Variants in CD48 observed in about 807,000 individuals in gnomAD.
The protein encoded by CD48 is CD48 molecule.
CD48 carries 20 observed loss-of-function variants against 22.0 expected under a neutral mutation model. The observed-to-expected ratio is 0.91, with a 90% CI of 0.64 to 1.32. CD48 has a LOEUF of 1.32. Among genes scored for constraint, CD48 ranks in the 40% most tolerant of loss-of-function variants. The probability of loss-of-function intolerance (pLI) is 0.00; values close to 1 mark genes in which losing one functional copy is unlikely to be tolerated. For missense variants in CD48, 307 were observed against 286.5 expected (o/e 1.07, Z -0.52); for synonymous variants, 110 against 110.1 (o/e 1.00, Z 0.01).
chr1:160,688,685 C>T (rs973023964), intron 1 of CD48, among the ~76,000 whole-genome samples: 6 of 152,126 alleles, frequency 3.9e-5, no homozygotes, highest in Admixed American at 6.5e-5. Flanking sequence ...TAGCCAATTT[C>T]CAAAGTTCTG....
intron 1 of CD48, among the ~76,000 whole-genome samples, chr1:160,697,204 G>A (rs562239463): frequency 2.0e-5 from 3 of 152,400 alleles, no homozygotes; most frequent in African/African-American, 7.2e-5. Flanking sequence ...AGCTGATAAC[G>A]TGGGGGAGAG....
intron 1 of CD48, among the ~76,000 whole-genome samples, chr1:160,689,239 T>C (rs1662105155): frequency 6.6e-6 from 1 of 152,320 alleles, no homozygotes; most frequent in East Asian, 1.9e-4. Context: ...TAACATTAAA[T>C]GCAGTGCCTT....
At chr1:160,684,558 G>T in intron 2 of CD48, 2 of 592,544 alleles carry the variant, frequency 3.4e-6, no homozygotes, top group East Asian at 2.9e-5. Context: ...GCCTAATTTC[G>T]GAGATATAAT....
intron 1 of CD48, among the ~76,000 whole-genome samples, chr1:160,690,852 T>A (rs1662186305): frequency 1.3e-5 from 2 of 152,160 alleles, no homozygotes; most frequent in Admixed American, 1.3e-4. Flanking sequence ...CATAGGAGAC[T>A]CCATTTTGTT....
chr1:160,702,682 C>T (rs1488418518), intron 1 of CD48, among the ~76,000 whole-genome samples: 1 of 152,068 alleles, frequency 6.6e-6, no homozygotes, highest in Non-Finnish European at 1.5e-5. Context: ...ATAGCAGGCT[C>T]CAAGAGAAGA....
At chr1:160,706,675 GGATCT>G (rs1662805369) in intron 1 of CD48, among the ~76,000 whole-genome samples, 1 of 152,078 alleles carries the variant, frequency 6.6e-6, no homozygotes, top group Non-Finnish European at 1.5e-5. Flanking sequence ...TAACAAAGTT[GGATCT>G]TATTCTTTTA....
chr1:160,681,785 G>A (rs1661814614), intron 2 of CD48, among the ~76,000 whole-genome samples: 1 of 152,170 alleles, frequency 6.6e-6, no homozygotes, highest in South Asian at 2.1e-4. Context: ...GAGACTTGCT[G>A]GGGTCAGACT....
At position 160,685,197 on chromosome 1, in the gene CD48, T is replaced by A; in HGVS notation, c.83-8A>T. 1 of 1,598,414 alleles carries A rather than the reference T, an allele frequency of 6.3e-7. No homozygotes were observed. Among genetic ancestry groups the A allele is most frequent in the South Asian group, 1.1e-5 (1 of 89,208 alleles). Reference sequence around the variant, plus strand: ...TCATATGTACCAAGTGACCTGCCAATGAGATTCAGAGTGAGACCTGCGCTA... The same window carrying A: ...TCATATGTACCAAGTGACCTGCCAAAGAGATTCAGAGTGAGACCTGCGCTA... On this transcript the variant is annotated splice_polypyrimidine_tract_variant and splice_region_variant and intron_variant, in intron 1 of 3. Coordinates refer to ENST00000368046, the MANE Select transcript of CD48 (RefSeq NM_001778.4).
rs1421990819 is a variant in CD48 at position 160,681,201 on chromosome 1, C to G, written c.652+1G>C. The G allele has an allele frequency of 6.2e-7, 1 of 1,614,184 alleles. No homozygotes were observed. The highest frequency in any genetic ancestry group is 1.7e-5 in the Admixed American group (1 of 60,026). On this transcript the variant is annotated splice_donor_variant, in intron 3 of 3. Coordinates refer to ENST00000368046, the MANE Select transcript of CD48 (RefSeq NM_001778.4). LOFTEE classifies it high-confidence loss of function. Reference sequence around the variant, plus strand: ...CCTCAGCTCCCAGGGATCCTTCTTACCCAGGGTACAGGGTGGACTGAGGCA... The same window carrying G: ...CCTCAGCTCCCAGGGATCCTTCTTAGCCAGGGTACAGGGTGGACTGAGGCA...
At chr1:160,687,702 T>A (rs1662052210) in intron 1 of CD48, among the ~76,000 whole-genome samples, 1 of 152,208 alleles carries the variant, frequency 6.6e-6, no homozygotes, top group Admixed American at 6.5e-5. Flanking sequence ...CACAGGATTC[T>A]TTGAGTGGTC....
chr1:160,702,988 T>C (rs990109684), intron 1 of CD48, among the ~76,000 whole-genome samples: 47 of 152,166 alleles, frequency 3.1e-4, no homozygotes, highest in African/African-American at 1.0e-3. Flanking sequence ...TGTTTAACTA[T>C]GGTAAAAGGA....
intron 1 of CD48, among the ~76,000 whole-genome samples, chr1:160,701,793 A>C (rs1261887157): frequency 1.3e-5 from 2 of 152,144 alleles, no homozygotes; most frequent in Non-Finnish European, 2.9e-5. Context: ...AACACCTACT[A>C]GTCCTACCTT....
chr1:160,693,251 G>A (rs1269942827), intron 1 of CD48, among the ~76,000 whole-genome samples: 2 of 152,258 alleles, frequency 1.3e-5, no homozygotes, highest in Middle Eastern at 3.2e-3. Flanking sequence ...TGATTTTGTG[G>A]CAAGGCTCCA....
In CD48 at chr1:160,679,086, G is replaced by A. The variant is rs146912720; in HGVS notation, c.698C>T (p.Thr233Met). Residue 233 changes from threonine to methionine, a missense_variant, in exon 4 of 4, where the codon ACG becomes ATG. Physicochemically the swap from Thr to Met is moderately conservative, Grantham distance 81. Transcript: ENST00000368046. The stretch of plus-strand genomic sequence containing the variant: ...TAACAGGCCAAGAATGGTGGGCACC[G>A]TGACCACTAGCCAACTTGCAATCCA... The part of the protein sequence containing the change: ...VEWIASWLVV[T>M]VPTILGLLLT 21 of 1,613,952 alleles carry A rather than the reference G, an allele frequency of 1.3e-5. No homozygotes were observed. Among genetic ancestry groups the A allele is most frequent in the South Asian group, 6.6e-5 (6 of 91,082 alleles).
At chr1:160,701,124 G>T (rs1426871423) in intron 1 of CD48, among the ~76,000 whole-genome samples, 1 of 151,744 alleles carries the variant, frequency 6.6e-6, no homozygotes, top group Non-Finnish European at 1.5e-5. Flanking sequence ...ATTATTGATA[G>T]ATGGTACAGT....
chr1:160,708,138 A>T lies in CD48; in HGVS notation c.82+3544T>A, dbSNP rs547939486. On this transcript the variant is annotated intron_variant, in intron 1 of 3. Coordinates refer to ENST00000368046, the MANE Select transcript of CD48 (RefSeq NM_001778.4). Reference sequence around the variant, plus strand: ...TAGCCTAAGTGGGATGAAACCAGGGAAAGATGACGACTGGGGGTAGTGAAT... The same window carrying T: ...TAGCCTAAGTGGGATGAAACCAGGGTAAGATGACGACTGGGGGTAGTGAAT... Among the ~76,000 whole-genome samples the T allele has an allele frequency of 1.9e-4, 29 of 152,326 alleles. No individual in the cohort carries two copies. The South Asian group carries it at 5.0e-3, about 26-fold the overall frequency.
intron 1 of CD48, chr1:160,691,643 C>A: frequency 5.2e-6 from 1 of 192,086 alleles, no homozygotes; most frequent in Non-Finnish European, 1.1e-5. Flanking sequence ...GTTCCCCGGG[C>A]CCCCTTATTT....
At chr1:160,690,733 T>C (rs999859976) in intron 1 of CD48, among the ~76,000 whole-genome samples, 27 of 152,202 alleles carry the variant, frequency 1.8e-4, no homozygotes, top group Admixed American at 4.6e-4. Flanking sequence ...TGTTTGATAG[T>C]AGCAGTTTCT....
intron 1 of CD48, among the ~76,000 whole-genome samples, chr1:160,690,926 G>A (rs187137406): frequency 6.6e-5 from 10 of 152,184 alleles, no homozygotes; most frequent in East Asian, 3.9e-4. Flanking sequence ...CCCCAACCCC[G>A]TGCTCTCTGA....
Sources: allele counts gnomAD v4.1 joint callset (sites outside exome capture counted in the v4.1 genomes callset), GRCh38; gene constraint gnomAD v4.1.1; transcripts MANE v1.5; gene names NCBI Gene and HGNC (gene_info 2026-07-23, HGNC 2026-07-21).